MTUS2: variants seen among roughly 807,000 people sequenced by gnomAD.
The protein encoded by MTUS2 is microtubule-associated tumor suppressor candidate 2.
Under a neutral mutation model 114.1 loss-of-function variants are expected in MTUS2, and 40 were observed. The observed-to-expected ratio is 0.35, with a 90% CI of 0.27 to 0.46. The LOEUF is 0.46. Ranked by LOEUF, MTUS2 falls within the 20% of genes least tolerant of loss-of-function variation. The pLI, the probability that MTUS2 is intolerant of heterozygous loss-of-function variation, is 1.00. For synonymous variants in MTUS2, 688 were observed against 672.0 expected (o/e 1.02, Z -0.37); for missense variants, 1,679 against 1,705.4 (o/e 0.98, Z 0.27).
At chr13:28,878,251 G>A (rs142243509) in intron 2 of MTUS2, among the ~76,000 whole-genome samples, 13,240 of 151,080 alleles carry the variant, frequency 0.088, 1,864 homozygotes, top group African/African-American at 0.3. Context: ...ATGTATATAT[G>A]TGTGTGTGTG....
At chr13:29,020,017 A>G (rs540502364) in intron 2 of MTUS2, among the ~76,000 whole-genome samples, 32 of 152,336 alleles carry the variant, frequency 2.1e-4, no homozygotes, top group South Asian at 1.0e-3. Context: ...ATTCTGCTGT[A>G]GAGAGGCAGA....
chr13:29,040,038 G>T (rs326507), intron 4 of MTUS2, among the ~76,000 whole-genome samples: 70,875 of 151,484 alleles, frequency 0.47, 16,965 homozygotes, highest in South Asian at 0.72. Context: ...GTTCTTTAGT[G>T]GTGATTTCTG....
intron 4 of MTUS2, among the ~76,000 whole-genome samples, chr13:29,036,402 A>G (rs1198004234): frequency 6.6e-6 from 1 of 152,198 alleles, no homozygotes; most frequent in East Asian, 1.9e-4. Context: ...ACAAGGACAG[A>G]TTTGTTTACA....
chr13:29,116,649 T>G (rs1891099851), intron 5 of MTUS2, among the ~76,000 whole-genome samples: 2 of 152,174 alleles, frequency 1.3e-5, no homozygotes, highest in South Asian at 4.1e-4. Flanking sequence ...CTTCTTGCAC[T>G]TTGGGGCCAT....
At chr13:29,486,155 A>G (rs565462410) in intron 10 of MTUS2, among the ~76,000 whole-genome samples, 1 of 152,204 alleles carries the variant, frequency 6.6e-6, no homozygotes, top group Non-Finnish European at 1.5e-5. Context: ...CATAGCTCTG[A>G]GCTTCAAGTA....
chr13:28,903,551 A>G (rs1879783385), intron 2 of MTUS2, among the ~76,000 whole-genome samples: 1 of 151,238 alleles, frequency 6.6e-6, no homozygotes, highest in African/African-American at 2.4e-5. Flanking sequence ...GCTGAGAATG[A>G]TGGTTTCCAG....
intron 5 of MTUS2, among the ~76,000 whole-genome samples, chr13:29,254,222 T>A (rs957261238): frequency 6.6e-6 from 1 of 152,200 alleles, no homozygotes; most frequent in African/African-American, 2.4e-5. Flanking sequence ...CCTTCTTAGA[T>A]GCTTAGCTCC....
intron 6 of MTUS2, among the ~76,000 whole-genome samples, chr13:29,283,233 T>C (rs1170941775): frequency 1.3e-5 from 2 of 152,232 alleles, no homozygotes; most frequent in Non-Finnish European, 2.9e-5. Context: ...AACCTCTTGC[T>C]CTAGCAGCAC....
intron 1 of MTUS2, among the ~76,000 whole-genome samples, chr13:28,832,331 A>T (rs894777623): frequency 1.3e-5 from 2 of 152,212 alleles, no homozygotes; most frequent in Non-Finnish European, 2.9e-5. Flanking sequence ...CCCTGACCAC[A>T]ATGGAATGAT....
chr13:29,277,788 A>G (rs973502243), intron 5 of MTUS2, among the ~76,000 whole-genome samples: 7 of 152,282 alleles, frequency 4.6e-5, no homozygotes, highest in African/African-American at 1.2e-4. Flanking sequence ...TGAACGGTTC[A>G]CTTTCCTCTG....
At chr13:29,445,950 C>T (rs1056993169) in intron 9 of MTUS2, among the ~76,000 whole-genome samples, 1 of 152,068 alleles carries the variant, frequency 6.6e-6, no homozygotes, top group Non-Finnish European at 1.5e-5. Context: ...TATCCCCAGC[C>T]TCTTCCTCTC....
chr13:29,134,318 T>C (rs929742503), intron 5 of MTUS2, among the ~76,000 whole-genome samples: 4 of 152,148 alleles, frequency 2.6e-5, no homozygotes, highest in African/African-American at 9.7e-5. Flanking sequence ...GGTTGGAAAA[T>C]TTCCCATGTG....
chr13:29,414,221 C>T (rs1286913993), intron 8 of MTUS2, among the ~76,000 whole-genome samples: 3 of 48,980 alleles, frequency 6.1e-5, no homozygotes, highest in East Asian at 5.7e-4. Context: ...AACCAAACAC[C>T]GCATATTCTC....
At chr13:29,502,911 C>A in intron 15 of MTUS2, 82 bp from the exon 16 acceptor site, 1 of 1,413,602 alleles carries the variant, frequency 7.1e-7, no homozygotes, top group Non-Finnish European at 9.9e-7. Flanking sequence ...GGCCTCCTCC[C>A]TTTGCCCTGC....
chr13:29,181,376 A>G (rs1593568479), intron 5 of MTUS2, among the ~76,000 whole-genome samples: 1 of 152,232 alleles, frequency 6.6e-6, no homozygotes, highest in African/African-American at 2.4e-5. Flanking sequence ...TGCTTGTGTC[A>G]CCACCCACCA....
chr13:29,039,595 TTTTG>T (rs1887257454), intron 4 of MTUS2, among the ~76,000 whole-genome samples: 1 of 152,202 alleles, frequency 6.6e-6, no homozygotes, highest in Admixed American at 6.5e-5. Context: ...CTGCCTCTAC[TTTTG>T]TGCCTGACCT....
intron 9 of MTUS2, among the ~76,000 whole-genome samples, chr13:29,466,960 T>TA (rs920092803): frequency 2.0e-4 from 29 of 143,964 alleles, no homozygotes; most frequent in African/African-American, 2.6e-4. Flanking sequence ...TTTGACAACC[T>TA]AAAAAAAAAA....
At chr13:29,154,266 T>G (rs966343656) in intron 5 of MTUS2, among the ~76,000 whole-genome samples, 4 of 152,242 alleles carry the variant, frequency 2.6e-5, no homozygotes, top group Admixed American at 1.3e-4. Context: ...ATGAACTATG[T>G]CATTGTGAAA....
chr13:29,212,111 A>G (rs1340755782), intron 5 of MTUS2, among the ~76,000 whole-genome samples: 6 of 151,880 alleles, frequency 4.0e-5, no homozygotes, highest in African/African-American at 7.3e-5. Context: ...TGTTGTAGTT[A>G]CAGTCCACAA....
Sources: gnomAD v4.1 joint callset for allele counts (sites outside exome capture counted in the v4.1 genomes callset) on GRCh38, gnomAD v4.1.1 for gene constraint, MANE v1.5 for transcripts, NCBI Gene and HGNC (gene_info 2026-07-23, HGNC 2026-07-21) for gene names.